Variants in TNR observed in about 807,000 individuals in gnomAD.
TNR encodes the protein tenascin R.
Under a neutral mutation model 150.4 loss-of-function variants are expected in TNR, and 45 were observed. That is an observed-to-expected ratio of 0.30 (90% confidence interval 0.24 to 0.38). The LOEUF (loss-of-function observed/expected upper bound fraction) is 0.38, where lower values mean the gene tolerates loss of function less well. Ranked by LOEUF, TNR falls within the 10% of genes least tolerant of loss-of-function variation. The pLI is 1.00. For synonymous variants in TNR, 687 were observed against 678.4 expected (o/e 1.01, Z -0.20); for missense variants, 1,544 against 1,759.1 (o/e 0.88, Z 2.19).
intron 2 of TNR, among the ~76,000 whole-genome samples, chr1:175,427,182 C>T (rs1341493298): frequency 1.3e-5 from 2 of 150,290 alleles, no homozygotes; most frequent in East Asian, 1.9e-4. Flanking sequence ...GTTTCATGAC[C>T]CACCAAGACA....
chr1:175,352,596 G>C (rs1278192947), intron 18 of TNR, among the ~76,000 whole-genome samples: 1 of 152,194 alleles, frequency 6.6e-6, no homozygotes, highest in African/African-American at 2.4e-5. Context: ...AGAGCATGGA[G>C]GGGGAGCATA....
At chr1:175,715,417 C>G (rs914397428) in intron 1 of TNR, among the ~76,000 whole-genome samples, 4 of 152,116 alleles carry the variant, frequency 2.6e-5, no homozygotes, top group African/African-American at 9.7e-5. Flanking sequence ...AACTGAGGAC[C>G]TGAGGGTTGA....
intron 1 of TNR, among the ~76,000 whole-genome samples, chr1:175,598,997 C>T (rs149393729): frequency 6.3e-4 from 96 of 152,334 alleles, no homozygotes; most frequent in African/African-American, 2.2e-3. Flanking sequence ...ATCGAATGCA[C>T]TCTTAGGTGG....
Position 175,355,578 on chromosome 1 carries a change from C to G in TNR, c.3174G>C (p.Leu1058=). The G allele has an allele frequency of 6.2e-7, 1 of 1,614,072 alleles. No homozygotes were observed. The highest frequency in any genetic ancestry group is 8.5e-7 in the Non-Finnish European group (1 of 1,179,920). The change falls in exon 17 of 23, where the codon CTG becomes CTC. Residue 1058 remains leucine, a synonymous_variant. Coordinates refer to ENST00000367674, the MANE Select transcript of TNR (RefSeq NM_003285.3). ...CTGCCCTGGGAGGCTGCCAGGAGAT[C>G]AGGGCACTTTGTCTGGTGACTTCAC... is the stretch of plus-strand genomic sequence containing the variant. ...TASEVTRQSA[L]ISWQPPRAEI...
chr1:175,688,524 G>A (rs1666265854), intron 1 of TNR, among the ~76,000 whole-genome samples: 1 of 152,192 alleles, frequency 6.6e-6, no homozygotes, highest in Non-Finnish European at 1.5e-5. Context: ...GACCCCAAAT[G>A]CCACAGACCC....
chr1:175,460,633 T>A (rs531672950), intron 2 of TNR, among the ~76,000 whole-genome samples: 1 of 152,254 alleles, frequency 6.6e-6, no homozygotes, highest in South Asian at 2.1e-4. Context: ...ATTTTCACGA[T>A]AATGAGGCAA....
intron 2 of TNR, among the ~76,000 whole-genome samples, chr1:175,416,678 CCA>C (rs1205363077): frequency 6.6e-6 from 1 of 152,088 alleles, no homozygotes; most frequent in Non-Finnish European, 1.5e-5. Flanking sequence ...TGTTTCCTGC[CCA>C]CACTCCTTAG....
intron 18 of TNR, among the ~76,000 whole-genome samples, chr1:175,339,462 CT>C (rs948834955): frequency 1.7e-4 from 26 of 152,338 alleles, no homozygotes; most frequent in African/African-American, 6.0e-4. Context: ...CCACCTACCC[CT>C]AGAGGCTACA....
intron 21 of TNR, among the ~76,000 whole-genome samples, chr1:175,324,831 G>T (rs1649278631): frequency 6.6e-6 from 1 of 152,038 alleles, no homozygotes; most frequent in African/African-American, 2.4e-5. Flanking sequence ...CCTGTACGTG[G>T]ACACAGGCCA....
chr1:175,383,802 G>T (rs1163862447), intron 8 of TNR, among the ~76,000 whole-genome samples: 1 of 152,192 alleles, frequency 6.6e-6, no homozygotes, highest in African/African-American at 2.4e-5. Flanking sequence ...CAGGCCTGGA[G>T]AATCTGTCTG....
intron 1 of TNR, among the ~76,000 whole-genome samples, chr1:175,565,665 C>T (rs1320803859): frequency 2.0e-5 from 3 of 152,156 alleles, no homozygotes; most frequent in Non-Finnish European, 4.4e-5. Context: ...TTTTCTTCAG[C>T]ATTACTTTCT....
chr1:175,524,140 C>T (rs895619547), intron 2 of TNR, among the ~76,000 whole-genome samples: 2 of 152,192 alleles, frequency 1.3e-5, no homozygotes, highest in African/African-American at 4.8e-5. Flanking sequence ...CTCACCATCT[C>T]ACTATCACAC....
At chr1:175,559,313 TTATAA>T (rs1300658079) in intron 1 of TNR, among the ~76,000 whole-genome samples, 10 of 152,218 alleles carry the variant, frequency 6.6e-5, no homozygotes, top group East Asian at 1.9e-4. Flanking sequence ...GTGAATTTCA[TTATAA>T]TATGTTTTTA....
chr1:175,380,147 T>G (rs536342750), intron 8 of TNR, among the ~76,000 whole-genome samples: 22 of 152,274 alleles, frequency 1.4e-4, no homozygotes, highest in African/African-American at 5.3e-4. Flanking sequence ...AGAAGACTGT[T>G]GATTTCAAGG....
intron 2 of TNR, among the ~76,000 whole-genome samples, chr1:175,511,039 G>A (rs888241578): frequency 2.0e-5 from 3 of 152,148 alleles, no homozygotes; most frequent in African/African-American, 7.2e-5. Context: ...GGATGTAATC[G>A]TTTTGTTACA....
intron 1 of TNR, among the ~76,000 whole-genome samples, chr1:175,596,253 G>A (rs1485960023): frequency 6.6e-6 from 1 of 152,152 alleles, no homozygotes; most frequent in Non-Finnish European, 1.5e-5. Context: ...GAAGAAACCC[G>A]TGTTTCTGCA....
At chr1:175,689,974 A>G (rs943845251) in intron 1 of TNR, among the ~76,000 whole-genome samples, 18 of 152,306 alleles carry the variant, frequency 1.2e-4, no homozygotes, top group Admixed American at 1.2e-3. Flanking sequence ...GTTTCATGTA[A>G]TTGTCACAAC....
intron 1 of TNR, among the ~76,000 whole-genome samples, chr1:175,717,560 G>T (rs1211858761): frequency 6.6e-6 from 1 of 152,150 alleles, no homozygotes; most frequent in African/African-American, 2.4e-5. Context: ...TTGAATAAAG[G>T]CGTGAATATA....
intron 2 of TNR, among the ~76,000 whole-genome samples, chr1:175,508,947 C>T (rs934653103): frequency 6.6e-6 from 1 of 152,346 alleles, no homozygotes; most frequent in Non-Finnish European, 1.5e-5. Flanking sequence ...AGCTCCTGGG[C>T]AGAAACCATC....
Sources: allele counts gnomAD v4.1 joint callset (sites outside exome capture counted in the v4.1 genomes callset), GRCh38; gene constraint gnomAD v4.1.1; transcripts MANE v1.5; gene names NCBI Gene and HGNC (gene_info 2026-07-23, HGNC 2026-07-21).